The following FOXN3 variants were observed in gnomAD, a reference collection of about 807,000 sequenced individuals.
FOXN3 encodes forkhead box N3.
A neutral mutation model predicts 38.4 loss-of-function variants in FOXN3; 7 were observed. The ratio of observed to expected loss-of-function variants is 0.18; its 90% confidence interval spans 0.10 to 0.34. The LOEUF (loss-of-function observed/expected upper bound fraction) is 0.34, where lower values mean the gene tolerates loss of function less well. FOXN3 is among the 10% of genes least tolerant of loss of function. The pLI is 1.00. For missense variants in FOXN3, 456 were observed against 613.4 expected (o/e 0.74, Z 2.71); for synonymous variants, 230 against 242.2 (o/e 0.95, Z 0.47).
chr14:89,446,841 A>G (rs1892511206), intron 1 of FOXN3, among the ~76,000 whole-genome samples: 1 of 152,246 alleles, frequency 6.6e-6, no homozygotes, highest in Admixed American at 6.5e-5. Flanking sequence ...CACTATTATG[A>G]ACAAGGCCAA....
chr14:89,189,388 TAAG>T (rs761015368), intron 4 of FOXN3, among the ~76,000 whole-genome samples: 2 of 152,178 alleles, frequency 1.3e-5, no homozygotes, highest in African/African-American at 2.4e-5. Flanking sequence ...GGCCTAGCCA[TAAG>T]AAGGAGATAG....
At chr14:89,302,218 C>A (rs1887239400) in intron 3 of FOXN3, among the ~76,000 whole-genome samples, 1 of 152,190 alleles carries the variant, frequency 6.6e-6, no homozygotes, top group Admixed American at 6.5e-5. Context: ...TGGAAGTGAA[C>A]TGAGGCAAAT....
chr14:89,383,173 G>A (rs1467897453), intron 2 of FOXN3, among the ~76,000 whole-genome samples: 1 of 150,722 alleles, frequency 6.6e-6, no homozygotes, highest in Non-Finnish European at 1.5e-5. Context: ...AAAATATAAA[G>A]TAATTCATAT....
intron 1 of FOXN3, among the ~76,000 whole-genome samples, chr14:89,516,634 T>A (rs1447650031): frequency 6.8e-6 from 1 of 146,902 alleles, no homozygotes; most frequent in Admixed American, 7.0e-5. Flanking sequence ...CAATCATGGC[T>A]CACTGCAGCC....
chr14:89,295,067 T>C (rs1206918139), intron 3 of FOXN3, among the ~76,000 whole-genome samples: 1 of 152,106 alleles, frequency 6.6e-6, no homozygotes, highest in Non-Finnish European at 1.5e-5. Flanking sequence ...CTTCCCAGCA[T>C]GTCCTTCCTG....
At chr14:89,256,031 C>T (rs1333020254) in intron 4 of FOXN3, among the ~76,000 whole-genome samples, 1 of 152,106 alleles carries the variant, frequency 6.6e-6, no homozygotes, top group Non-Finnish European at 1.5e-5. Context: ...GGGTCTGACA[C>T]CAGCCCCAGA....
intron 1 of FOXN3, among the ~76,000 whole-genome samples, chr14:89,561,282 G>A (rs1039893568): frequency 3.9e-5 from 6 of 152,140 alleles, no homozygotes; most frequent in Non-Finnish European, 5.9e-5. Flanking sequence ...GTGCAATCTC[G>A]GCTCACTGAA....
At chr14:89,613,573 T>C (rs1896437924) in intron 1 of FOXN3, among the ~76,000 whole-genome samples, 1 of 152,244 alleles carries the variant, frequency 6.6e-6, no homozygotes, top group Admixed American at 6.5e-5. Context: ...AGCCAACTAT[T>C]TGGTCCTTAT....
intron 1 of FOXN3, among the ~76,000 whole-genome samples, chr14:89,451,251 G>A (rs1033507965): frequency 6.6e-6 from 1 of 152,170 alleles, no homozygotes; most frequent in Non-Finnish European, 1.5e-5. Flanking sequence ...AGGAGGTATG[G>A]TAGCCGGGCC....
chr14:89,582,535 G>C (rs1895764555), intron 1 of FOXN3, among the ~76,000 whole-genome samples: 1 of 140,670 alleles, frequency 7.1e-6, no homozygotes, highest in Non-Finnish European at 1.5e-5. Context: ...TGTCACCCAG[G>C]CTGGAGTGTA....
chr14:89,453,559 C>CAAAAAAAA (rs35296047), intron 1 of FOXN3, among the ~76,000 whole-genome samples: 1 of 72,734 alleles, frequency 1.4e-5, no homozygotes, highest in Non-Finnish European at 2.5e-5. Context: ...GACTCCGTCT[C>CAAAAAAAA]AAAAAAAAAA....
At position 89,219,411 on chromosome 14, in the gene FOXN3, T is replaced by C. The variant is rs567170792; in HGVS notation, c.746-38605A>G. Among the ~76,000 whole-genome samples the C allele has an allele frequency of 5.3e-5, 8 of 152,332 alleles. No individual in the cohort carries two copies. The South Asian group carries it at 1.7e-3, about 32-fold the overall frequency. The stretch of plus-strand genomic sequence containing the variant: ...TTACCCAACGTCAGGTATGTCTTTA[T>C]AGCAGTGTGAAAACGGACTAATAAA... On this transcript the variant is annotated intron_variant, in intron 4 of 5. Transcript: ENST00000557258.
intron 4 of FOXN3, among the ~76,000 whole-genome samples, chr14:89,266,163 T>C (rs955997897): frequency 1.3e-5 from 2 of 152,102 alleles, no homozygotes; most frequent in Non-Finnish European, 2.9e-5. Context: ...GACTGGGTGG[T>C]TTAAAGAACA....
chr14:89,411,108 C>T (rs1213728719), intron 2 of FOXN3, among the ~76,000 whole-genome samples: 1 of 152,108 alleles, frequency 6.6e-6, no homozygotes, highest in Non-Finnish European at 1.5e-5. Flanking sequence ...ATTAGATTCT[C>T]ATAGGAGCAC....
intron 4 of FOXN3, among the ~76,000 whole-genome samples, chr14:89,273,898 G>A (rs1412734074): frequency 6.6e-6 from 1 of 152,212 alleles, no homozygotes; most frequent in African/African-American, 2.4e-5. Flanking sequence ...AAGGCAATTA[G>A]GACTTAGGTG....
At chr14:89,298,298 G>C (rs1458264634) in intron 3 of FOXN3, among the ~76,000 whole-genome samples, 1 of 152,112 alleles carries the variant, frequency 6.6e-6, no homozygotes, top group Non-Finnish European at 1.5e-5. Flanking sequence ...AACGGGGGGA[G>C]TGGTTGTTTA....
At chr14:89,306,071 C>T (rs762870289) in intron 3 of FOXN3, among the ~76,000 whole-genome samples, 1 of 152,200 alleles carries the variant, frequency 6.6e-6, no homozygotes, top group Non-Finnish European at 1.5e-5. Flanking sequence ...GCATATAATG[C>T]TCAGCAGCTT....
rs1354499571 is a variant in FOXN3, at chr14:89,484,133, G to C, written c.-14-71643C>G. On this transcript the variant is annotated intron_variant, in intron 1 of 6. Transcript: ENST00000345097. This position sits in a 1 kb window ranked among gnomAD's most constrained non-coding sequence, Gnocchi z 4.0. ...AGATGAATGGAAATATCCAACTAGAGTGTGACCAATTCGCTTTCTCACTCC... is the reference window on the plus strand; with the variant it reads ...AGATGAATGGAAATATCCAACTAGACTGTGACCAATTCGCTTTCTCACTCC... 6.6e-6 allele frequency among the ~76,000 whole-genome samples: 1 copy of C among 152,198 alleles called. No homozygotes were observed. Among genetic ancestry groups the C allele is most frequent in the Non-Finnish European group, 1.5e-5 (1 of 68,036 alleles).
chr14:89,264,006 C>G, intron 4 of FOXN3: 1 of 152,120 alleles, frequency 6.6e-6, no homozygotes, highest in Non-Finnish European at 1.5e-5. Flanking sequence ...TGCAGTGAGC[C>G]GAGATCACGC....
Sources: allele counts gnomAD v4.1 joint callset (sites outside exome capture counted in the v4.1 genomes callset), GRCh38; gene constraint gnomAD v4.1.1; non-coding constraint Gnocchi (gnomAD v3.1); transcripts MANE v1.5; gene names NCBI Gene and HGNC (gene_info 2026-07-23, HGNC 2026-07-21).